BCAR1: variants seen among roughly 807,000 people sequenced by gnomAD.
BCAR1 encodes breast cancer anti-estrogen resistance protein 1.
Under a neutral mutation model 67.6 loss-of-function variants are expected in BCAR1, and 30 were observed. That is an observed-to-expected ratio of 0.44 (90% CI 0.33 to 0.60). The LOEUF (loss-of-function observed/expected upper bound fraction) is 0.60. Ranked by LOEUF, BCAR1 falls within the 20% of genes least tolerant of loss-of-function variation. The probability of loss-of-function intolerance (pLI) is 0.02; values close to 1 mark genes in which losing one functional copy is unlikely to be tolerated. For missense variants in BCAR1, 1,313 were observed against 1,222.3 expected (o/e 1.07, Z -1.11); for synonymous variants, 626 against 556.7 (o/e 1.12, Z -1.75).
At chr16:75,236,834 AC>A in intron 4 of BCAR1, 47 bp downstream of exon 4, 1 of 1,591,470 alleles carries the variant, frequency 6.3e-7, no homozygotes, top group Non-Finnish European at 8.6e-7. Context: ...ACACCCAGAC[AC>A]CCCACAGCCT....
chr16:75,266,534 C>G (rs774009676), intron 1 of BCAR1, among the ~76,000 whole-genome samples: 23 of 152,340 alleles, frequency 1.5e-4, no homozygotes, highest in Non-Finnish European at 1.9e-4. Context: ...GGGCCTGAGA[C>G]TTCCTTTCCC....
intron 1 of BCAR1, chr16:75,245,960 T>C: frequency 7.4e-6 from 1 of 135,232 alleles, no homozygotes; most frequent in Non-Finnish European, 1.5e-5. Context: ...TTCATAGGAT[T>C]GTTCTTTTTT....
chr16:75,236,155 GGCACACACACGC>G (rs1296267606), intron 4 of BCAR1, 169 bp from the exon 5 acceptor site: 2 of 776,360 alleles, frequency 2.6e-6, no homozygotes, highest in African/African-American at 1.8e-5. Context: ...CACGCACACA[GGCACACACACGC>G]GCACACACAC....
At chr16:75,252,274 G>C, upstream of BCAR1, 6 of 1,536,692 alleles carry the variant, frequency 3.9e-6, no homozygotes, top group Non-Finnish European at 5.2e-6. Context: ...ACTCGGGCTG[G>C]TCCTCCAGCT....
intron 4 of BCAR1, 147 bp downstream of exon 4, chr16:75,236,735 T>A (rs1597193195): frequency 4.4e-6 from 6 of 1,351,068 alleles, no homozygotes. Context: ...TTTCCTCATC[T>A]GTCAACCATC....
At position 75,237,354 on chromosome 16, in the gene BCAR1, G is replaced by C; in HGVS notation, c.634-10C>G. The C allele has an allele frequency of 1.4e-6, 2 of 1,461,030 alleles. No individual in the cohort carries two copies. The highest frequency in any genetic ancestry group is 1.8e-6 in the Non-Finnish European group (2 of 1,108,404). The allele number at this position is 1,461,030 out of a possible 1,614,324, so 90.5% of individuals were successfully genotyped here. Reference sequence around the variant, plus strand: ...GGGTGGGCACCACCACCTGGGGGCAGAGAGCCGACTTCACTGCTGCCCTCA... The same window carrying C: ...GGGTGGGCACCACCACCTGGGGGCACAGAGCCGACTTCACTGCTGCCCTCA... On this transcript the variant is annotated splice_polypyrimidine_tract_variant and intron_variant, in intron 2 of 6. Transcript: ENST00000162330.
chr16:75,265,863 G>A (rs2077999023), intron 1 of BCAR1: 2 of 1,164,860 alleles, frequency 1.7e-6, no homozygotes, highest in Non-Finnish European at 2.1e-6. Context: ...GGGGCCTGGC[G>A]GGCAGCGGCG....
intron 1 of BCAR1, chr16:75,267,876 G>C (rs1176907533): frequency 6.4e-7 from 1 of 1,567,788 alleles, no homozygotes; most frequent in South Asian, 1.2e-5. Flanking sequence ...TCAGCCCTTA[G>C]CAGGGAGAGA....
At chr16:75,231,537 T>A (rs1462667519) in intron 6 of BCAR1, among the ~76,000 whole-genome samples, 1 of 152,272 alleles carries the variant, frequency 6.6e-6, no homozygotes, top group East Asian at 1.9e-4. Context: ...GATGTTCTCA[T>A]CAGTAAGTCT....
intron 2 of BCAR1, among the ~76,000 whole-genome samples, chr16:75,237,897 C>T (rs1209732476): frequency 1.3e-5 from 2 of 152,204 alleles, no homozygotes; most frequent in African/African-American, 4.8e-5. Context: ...TGGGGAGACT[C>T]TGGAGGACAG....
chr16:75,242,691 G>A lies in BCAR1; in HGVS notation c.412C>T (p.Gln138Ter). Residue 138 changes from glutamine (Q) to a stop codon, truncating the protein, a stop_gained, in exon 2 of 7, where the codon CAG becomes TAG. Transcript: ENST00000162330. LOFTEE classifies it high-confidence loss of function. Reference sequence around the variant, plus strand: ...GATGTCTGCTTGGCTGGGGGAGACTGGAACTGAGGGCTGGGACCCGGGACT... The same window carrying A: ...GATGTCTGCTTGGCTGGGGGAGACTAGAACTGAGGGCTGGGACCCGGGACT... ...YQVPGPSPQF[Q>*]SPPAKQTSTF... is the part of the protein sequence containing the mutation. 1 of 1,542,022 alleles carries A rather than the reference G, an allele frequency of 6.5e-7. No homozygotes were observed. The highest frequency in any genetic ancestry group is 8.7e-7 in the Non-Finnish European group (1 of 1,146,344).
intron 1 of BCAR1, among the ~76,000 whole-genome samples, chr16:75,262,549 G>A (rs545412236): frequency 6.6e-6 from 1 of 152,308 alleles, no homozygotes; most frequent in Non-Finnish European, 1.5e-5. Flanking sequence ...GTGCGGCAGG[G>A]GCAGTGGGGC....
chr16:75,232,344 G>C (rs1277651923), intron 6 of BCAR1, among the ~76,000 whole-genome samples: 2 of 152,024 alleles, frequency 1.3e-5, no homozygotes, highest in African/African-American at 4.8e-5. Context: ...ATTTTTAGTA[G>C]AGATGGGGTT....
intron 1 of BCAR1, chr16:75,248,487 G>C (rs956141876): frequency 2.4e-6 from 1 of 416,782 alleles, no homozygotes; most frequent in Admixed American, 4.9e-5. Context: ...GAGGGGTCCT[G>C]ATCACCCCAC....
upstream of BCAR1, chr16:75,252,518 C>G (rs1002761998): frequency 7.5e-6 from 8 of 1,067,754 alleles, no homozygotes; most frequent in Non-Finnish European, 1.0e-5. Flanking sequence ...CCCCATGCAG[C>G]AGAACCAGGG....
intron 2 of BCAR1, chr16:75,239,121 A>G: frequency 2.0e-6 from 2 of 985,006 alleles, no homozygotes; most frequent in Non-Finnish European, 2.4e-6. Flanking sequence ...TGTTAGAAAA[A>G]CAGAGCAACG....
chr16:75,260,428 G>A (rs1017062137), intron 1 of BCAR1, among the ~76,000 whole-genome samples: 4 of 151,940 alleles, frequency 2.6e-5, no homozygotes, highest in Non-Finnish European at 4.4e-5. Context: ...GAGGTCAGGC[G>A]TTCGAGACCA....
chr16:75,258,441 T>C (rs930649108), intron 1 of BCAR1, among the ~76,000 whole-genome samples: 11 of 152,232 alleles, frequency 7.2e-5, no homozygotes, highest in Non-Finnish European at 1.5e-4. Flanking sequence ...CACTCATGCA[T>C]CTGCGCCTCC....
intron 5 of BCAR1, 95 bp downstream of exon 5, chr16:75,234,794 C>T: frequency 2.0e-6 from 3 of 1,485,232 alleles, no homozygotes; most frequent in East Asian, 4.6e-5. Flanking sequence ...CAGGGCCTTG[C>T]CAGGGACCAG....
Sources: gnomAD v4.1 joint callset for allele counts (sites outside exome capture counted in the v4.1 genomes callset) on GRCh38, gnomAD v4.1.1 for gene constraint, MANE v1.5 for transcripts, NCBI Gene and HGNC (gene_info 2026-07-23, HGNC 2026-07-21) for gene names.